The following FARP1 variants were observed in gnomAD, a reference collection of about 807,000 sequenced individuals.
FARP1 encodes FERM, ARH/RhoGEF and pleckstrin domain protein 1.
A neutral mutation model predicts 128.8 loss-of-function variants in FARP1; 52 were observed. That is an observed-to-expected ratio of 0.40 (90% CI 0.32 to 0.51). FARP1 has a LOEUF of 0.51. Ranked by LOEUF, FARP1 falls within the 20% of genes least tolerant of loss-of-function variation. FARP1 has a pLI of 0.45. For synonymous variants in FARP1, 580 were observed against 551.8 expected (o/e 1.05, Z -0.72); for missense variants, 1,333 against 1,367.9 (o/e 0.97, Z 0.40).
chr13:98,448,176 C>T (rs996972452), intron 26 of FARP1, 60 bp from the exon 27 acceptor site: 2 of 1,423,398 alleles, frequency 1.4e-6, no homozygotes, highest in African/African-American at 1.4e-5. Flanking sequence ...GCGATGCCCA[C>T]CAAAGTGTCA....
chr13:98,251,810 A>G (rs1883339281), intron 2 of FARP1, among the ~76,000 whole-genome samples: 1 of 152,176 alleles, frequency 6.6e-6, no homozygotes, highest in Non-Finnish European at 1.5e-5. Context: ...ATAAAAAGAT[A>G]GCAGATTGGA....
intron 12 of FARP1, 82 bp downstream of exon 12, chr13:98,393,800 C>G: frequency 9.7e-7 from 1 of 1,030,318 alleles, no homozygotes; most frequent in Non-Finnish European, 1.5e-6. Flanking sequence ...AGCGGGCTTT[C>G]TTGTTCTCTG....
intron 2 of FARP1, among the ~76,000 whole-genome samples, chr13:98,315,671 T>C (rs1310287135): frequency 1.3e-5 from 2 of 152,070 alleles, no homozygotes; most frequent in Non-Finnish European, 2.9e-5. Context: ...TCACATCTGC[T>C]CGCTCTTCCT....
chr13:98,268,879 ATTTATTTTTATTTTTTTATT>A (rs1438593364), intron 2 of FARP1, among the ~76,000 whole-genome samples: 8 of 150,344 alleles, frequency 5.3e-5, no homozygotes, highest in South Asian at 4.2e-4. Flanking sequence ...GCTAATTTTT[ATTTATTTTTATTTTTTTATT>A]TTTATTTTTA....
intron 2 of FARP1, among the ~76,000 whole-genome samples, chr13:98,265,239 G>A (rs1201248436): frequency 6.7e-6 from 1 of 150,340 alleles, no homozygotes; most frequent in Non-Finnish European, 1.5e-5. Flanking sequence ...ACAACAGATT[G>A]TGATATTTTT....
At chr13:98,418,878 G>T (rs1891486733) in intron 16 of FARP1, among the ~76,000 whole-genome samples, 1 of 152,160 alleles carries the variant, frequency 6.6e-6, no homozygotes, top group Admixed American at 6.5e-5. Flanking sequence ...CTGTGACCGG[G>T]TTGTCACTTT....
At chr13:98,270,715 A>C (rs1264522045) in intron 2 of FARP1, among the ~76,000 whole-genome samples, 1 of 152,260 alleles carries the variant, frequency 6.6e-6, no homozygotes, top group African/African-American at 2.4e-5. Context: ...CATCCTGCAC[A>C]TGGCTAACTT....
intron 16 of FARP1, among the ~76,000 whole-genome samples, chr13:98,412,235 A>T (rs1288556063): frequency 6.6e-6 from 1 of 152,176 alleles, no homozygotes; most frequent in Non-Finnish European, 1.5e-5. Context: ...TCTGGTTTGC[A>T]GTTCTTCAAG....
intron 1 of FARP1, among the ~76,000 whole-genome samples, chr13:98,178,319 C>G (rs1878252572): frequency 6.6e-6 from 1 of 151,422 alleles, no homozygotes; most frequent in Non-Finnish European, 1.5e-5. Context: ...CCTCAGCCTC[C>G]TGAGTAGCTG....
chr13:98,366,505 G>T (rs1220585663), intron 4 of FARP1, among the ~76,000 whole-genome samples: 1 of 152,194 alleles, frequency 6.6e-6, no homozygotes, highest in Non-Finnish European at 1.5e-5. Context: ...ATCGACATTT[G>T]TCCCCCGCAT....
intron 5 of FARP1, among the ~76,000 whole-genome samples, chr13:98,372,763 C>A (rs1179764976): frequency 2.6e-5 from 4 of 152,162 alleles, no homozygotes; most frequent in Non-Finnish European, 5.9e-5. Context: ...AATCGTTGTC[C>A]TCTCCTCACA....
In FARP1 at chr13:98,452,013, C is replaced by G. The variant is rs926262878; in HGVS notation, c.*3696C>G. On this transcript the variant is annotated 3_prime_UTR_variant, in exon 27 of 27. Coordinates refer to ENST00000319562, the MANE Select transcript of FARP1 (RefSeq NM_005766.4). ...AGTCCAGGGCGCTGACCTGGGCACT[C>G]GGCAGCTCCAGGCCTGGGGACTTCT... 1 of 152,218 alleles carries G rather than the reference C, an allele frequency of 6.6e-6. No individual in the cohort carries two copies. Among genetic ancestry groups the G allele is most frequent in the Non-Finnish European group, 1.5e-5 (1 of 68,090 alleles). 9.4% of individuals were successfully genotyped at this position (152,218 alleles called of 1,614,324 possible). A position where few individuals can be genotyped will look rare whatever the true frequency, so the allele number is the denominator to read the frequency against.
intron 2 of FARP1, among the ~76,000 whole-genome samples, chr13:98,318,265 T>G (rs938501863): frequency 1.3e-5 from 2 of 151,830 alleles, no homozygotes; most frequent in African/African-American, 2.4e-5. Context: ...CCCTGTGTTG[T>G]TCAGGCTGGT....
chr13:98,270,575 C>T (rs1884344000), intron 2 of FARP1, among the ~76,000 whole-genome samples: 1 of 152,146 alleles, frequency 6.6e-6, no homozygotes, highest in Admixed American at 6.5e-5. Context: ...TAGCTCCTGG[C>T]ACCTTGAGAG....
chr13:98,256,802 C>T (rs1259651762), intron 2 of FARP1, among the ~76,000 whole-genome samples: 4 of 149,424 alleles, frequency 2.7e-5, no homozygotes, highest in African/African-American at 7.3e-5. Flanking sequence ...TCAAGTGATC[C>T]ACCCGCCTCA....
At chr13:98,366,537 C>G (rs679151) in intron 4 of FARP1, among the ~76,000 whole-genome samples, 80,979 of 152,036 alleles carry the variant, frequency 0.53, 22,443 homozygotes, top group Non-Finnish European at 0.6. Flanking sequence ...CTAACAGTGG[C>G]AAGGTATATC....
chr13:98,361,239 G>C (rs1276283277), intron 3 of FARP1, among the ~76,000 whole-genome samples: 1 of 152,182 alleles, frequency 6.6e-6, no homozygotes, highest in Non-Finnish European at 1.5e-5. Flanking sequence ...TCCTCACCCA[G>C]CCTGGTTGCG....
chr13:98,148,832 G>T (rs1396793185), intron 1 of FARP1, among the ~76,000 whole-genome samples: 1 of 151,670 alleles, frequency 6.6e-6, no homozygotes, highest in Admixed American at 6.6e-5. Context: ...CTACTTTTAA[G>T]ATGCTTTGGT....
At chr13:98,415,442 T>G (rs1891338665) in intron 16 of FARP1, among the ~76,000 whole-genome samples, 1 of 111,998 alleles carries the variant, frequency 8.9e-6, no homozygotes, top group Admixed American at 1.1e-4. Context: ...TATTAATGAA[T>G]GAATGAGTGA....
Sources: gnomAD v4.1 joint callset for allele counts (sites outside exome capture counted in the v4.1 genomes callset) on GRCh38, gnomAD v4.1.1 for gene constraint, MANE v1.5 for transcripts, NCBI Gene and HGNC (gene_info 2026-07-23, HGNC 2026-07-21) for gene names.